The following SEM1 variants were observed in gnomAD, a reference collection of about 807,000 sequenced individuals.
The protein encoded by SEM1 is SEM1 26S proteasome subunit.
Under a neutral mutation model 12.7 loss-of-function variants are expected in SEM1, and 3 were observed. The ratio of observed to expected loss-of-function variants is 0.24; its 90% CI spans 0.11 to 0.61. The LOEUF is 0.61. Ranked by LOEUF, SEM1 falls within the 20% of genes least tolerant of loss-of-function variation. SEM1 has a pLI of 0.88. For synonymous variants in SEM1, 30 were observed against 27.8 expected (o/e 1.08, Z -0.25); for missense variants, 59 against 81.3 (o/e 0.73, Z 1.06).
intron 2 of SEM1, among the ~76,000 whole-genome samples, chr7:96,537,916 A>C (rs555409007): frequency 1.3e-4 from 19 of 151,658 alleles, no homozygotes; most frequent in African/African-American, 4.6e-4. Context: ...CCAATTATGG[A>C]GATATTATGC....
At chr7:96,649,349 T>C (rs1205476381) in intron 2 of SEM1, 1 of 151,092 alleles carries the variant, frequency 6.6e-6, no homozygotes, top group Non-Finnish European at 1.5e-5. Flanking sequence ...ATAATTTTTC[T>C]CCAAAAAAAT....
At chr7:96,608,325 T>G (rs1807445477) in intron 2 of SEM1, among the ~76,000 whole-genome samples, 2 of 152,182 alleles carry the variant, frequency 1.3e-5, no homozygotes, top group Admixed American at 1.3e-4. Flanking sequence ...GGAACCCTAC[T>G]TCCGAGCATC....
At chr7:96,505,521 A>G (rs1343446172) in intron 3 of SEM1, among the ~76,000 whole-genome samples, 1 of 152,170 alleles carries the variant, frequency 6.6e-6, no homozygotes, top group African/African-American at 2.4e-5. Context: ...TTTATTAGCT[A>G]TAACACTTAC....
downstream of SEM1, among the ~76,000 whole-genome samples, chr7:96,620,522 G>T (rs1246315681): frequency 1.3e-5 from 2 of 152,176 alleles, no homozygotes; most frequent in African/African-American, 4.8e-5. Context: ...TGAGGCCCTA[G>T]TGGGTTGAGG....
intron 2 of SEM1, among the ~76,000 whole-genome samples, chr7:96,532,178 TA>T (rs1241877533): frequency 1.3e-5 from 2 of 152,140 alleles, no homozygotes; most frequent in Non-Finnish European, 2.9e-5. Flanking sequence ...TCAAACAAGC[TA>T]AAACATGTTT....
chr7:96,529,521 A>G (rs1022581094), intron 2 of SEM1, among the ~76,000 whole-genome samples: 7 of 152,116 alleles, frequency 4.6e-5, no homozygotes, highest in Non-Finnish European at 1.0e-4. Flanking sequence ...AAAAATATTC[A>G]TGTAAAATAA....
chr7:96,645,943 C>T (rs1403151759), intron 2 of SEM1: 1 of 398,064 alleles, frequency 2.5e-6, no homozygotes, highest in Non-Finnish European at 4.4e-6. Context: ...CTACCTTCCA[C>T]AAGAAGAAAA....
At chr7:96,619,087 C>G (rs1447196635), downstream of SEM1, among the ~76,000 whole-genome samples, 3 of 152,098 alleles carry the variant, frequency 2.0e-5, no homozygotes, top group Non-Finnish European at 4.4e-5. Context: ...AATTATTTAT[C>G]TCGCATTTCA....
downstream of SEM1, among the ~76,000 whole-genome samples, chr7:96,685,622 C>T (rs529840255): frequency 1.6e-4 from 25 of 152,020 alleles, no homozygotes; most frequent in South Asian, 5.2e-3. Context: ...CATCTTGGTG[C>T]TTTTCTTCAT....
At chr7:96,568,160 A>G (rs1584770089) in intron 2 of SEM1, among the ~76,000 whole-genome samples, 1 of 151,778 alleles carries the variant, frequency 6.6e-6, no homozygotes, top group African/African-American at 2.4e-5. Flanking sequence ...CAACTTTTAT[A>G]ATTTCTCTGA....
chr7:96,549,885 T>C (rs564413054), intron 2 of SEM1, among the ~76,000 whole-genome samples: 1 of 152,174 alleles, frequency 6.6e-6, no homozygotes, highest in Non-Finnish European at 1.5e-5. Flanking sequence ...CTTTTACCTA[T>C]GCACAATAGC....
chr7:96,588,090 T>C (rs903415247), intron 2 of SEM1, among the ~76,000 whole-genome samples: 10 of 152,150 alleles, frequency 6.6e-5, no homozygotes, highest in African/African-American at 2.4e-4. Context: ...GAAAGGTGGC[T>C]GGGTCAGATG....
chr7:96,622,669 G>T (rs375867265), intron 2 of SEM1: 2 of 762,780 alleles, frequency 2.6e-6, no homozygotes, highest in South Asian at 1.4e-5. Flanking sequence ...AGTAGGTGAA[G>T]GTTTTCTTTT....
rs182752778 is a variant in SEM1 at position 96,514,881 on chromosome 7, G to C, written c.171-8183C>G. 2.6e-4 allele frequency among the ~76,000 whole-genome samples: 39 copies of C among 152,170 alleles called. No individual in the cohort carries two copies. In the East Asian group the frequency reaches 5.8e-3, roughly 23 times the overall value. On this transcript the variant is annotated intron_variant and NMD_transcript_variant, in intron 2 of 3. Coordinates refer to the SEM1 transcript ENST00000466986. Reference sequence around the variant, plus strand: ...CAATATAATCTCAATCAAAATCCCAGCAAGTTATTTTGTGGATGTTGACAA... The same window carrying C: ...CAATATAATCTCAATCAAAATCCCACCAAGTTATTTTGTGGATGTTGACAA...
exon 2 of SEM1, chr7:96,486,347 C>A: frequency 6.5e-7 from 1 of 1,537,034 alleles, no homozygotes; most frequent in Non-Finnish European, 8.7e-7. Flanking sequence ...GGGTCTCCTC[C>A]CCCTTTTTAT....
chr7:96,698,629 C>T (rs4729277), intron 1 of SEM1, among the ~76,000 whole-genome samples: 54,516 of 151,994 alleles, frequency 0.36, 10,938 homozygotes, highest in African/African-American at 0.56. Flanking sequence ...TATTGCACAG[C>T]GTATACGTGC....
At chr7:96,556,424 G>T (rs1036385723) in intron 2 of SEM1, among the ~76,000 whole-genome samples, 1 of 152,100 alleles carries the variant, frequency 6.6e-6, no homozygotes, top group African/African-American at 2.4e-5. Context: ...TGTCTATAAA[G>T]TATTTTATTT....
At chr7:96,704,399 T>C (rs1790380754) in intron 1 of SEM1, among the ~76,000 whole-genome samples, 2 of 152,130 alleles carry the variant, frequency 1.3e-5, no homozygotes, top group South Asian at 4.1e-4. Context: ...ACTTATACAA[T>C]TATCCTATAT....
At chr7:96,625,860 T>G (rs902348841) in intron 2 of SEM1, among the ~76,000 whole-genome samples, 4 of 152,116 alleles carry the variant, frequency 2.6e-5, no homozygotes, top group African/African-American at 9.7e-5. Flanking sequence ...TCATCATAAT[T>G]TTTTTAACTT....
Sources: gnomAD v4.1 joint callset for allele counts (sites outside exome capture counted in the v4.1 genomes callset) on GRCh38, gnomAD v4.1.1 for gene constraint, MANE v1.5 for transcripts, NCBI Gene and HGNC (gene_info 2026-07-23, HGNC 2026-07-21) for gene names.